Variants in FAM161B observed in about 807,000 individuals in gnomAD.
FAM161B encodes the protein FAM161 centrosomal protein B.
A neutral mutation model predicts 61.5 loss-of-function variants in FAM161B; 46 were observed. The observed-to-expected ratio is 0.75, with a 90% confidence interval of 0.59 to 0.96. FAM161B has a LOEUF of 0.96. FAM161B is among the 40% of genes least tolerant of loss of function. FAM161B has a pLI of 0.00. For synonymous variants in FAM161B, 284 were observed against 302.7 expected (o/e 0.94, Z 0.64); for missense variants, 774 against 800.7 (o/e 0.97, Z 0.40).
chr14:73,937,711 G>A lies in FAM161B; in HGVS notation c.1566-10C>T, dbSNP rs780780186. ...TTTACGGTCATTGTTCCTGGAATTAGCAAGACTTTTAGAAAGAATTTCATC... is the reference window on the plus strand; with the variant it reads ...TTTACGGTCATTGTTCCTGGAATTAACAAGACTTTTAGAAAGAATTTCATC... On this transcript the variant is annotated splice_polypyrimidine_tract_variant and intron_variant, in intron 6 of 8. Transcript: ENST00000286544. The A allele has an allele frequency of 2.5e-6, 4 of 1,609,700 alleles. No individual in the cohort carries two copies. The highest frequency in any genetic ancestry group is 1.1e-5 in the South Asian group (1 of 89,774).
intron 4 of FAM161B, among the ~76,000 whole-genome samples, 191 bp downstream of exon 4, chr14:73,942,178 A>C (rs1215868297): frequency 1.3e-5 from 2 of 151,824 alleles, no homozygotes; most frequent in Admixed American, 6.6e-5. Context: ...TTTCTTTTAG[A>C]GATGGGGTCT....
chr14:73,949,653 C>G (rs1382425020), intron 1 of FAM161B, among the ~76,000 whole-genome samples: 1 of 152,112 alleles, frequency 6.6e-6, no homozygotes, highest in African/African-American at 2.4e-5. Flanking sequence ...ACCACCACGC[C>G]CGGCCAAATT....
In FAM161B at chr14:73,932,509, C is replaced by CT. The variant is rs1348886212; in HGVS notation, c.*1746dup. ...AAAATGGCAATAAAAACAGATACTT[C>CT]TGAATTTTTCCACAAAGATAGTTTT... On this transcript the variant is annotated 3_prime_UTR_variant, in exon 9 of 9. Transcript: ENST00000286544. The CT allele has an allele frequency of 1.3e-5, 6 of 450,580 alleles. No homozygotes were observed. Among genetic ancestry groups the CT allele is most frequent in the Admixed American group, 4.9e-5 (2 of 40,906 alleles). 27.9% of individuals were successfully genotyped at this position (450,580 alleles called of 1,614,324 possible). A position where few individuals can be genotyped will look rare whatever the true frequency, so the allele number is the denominator to read the frequency against.
chr14:73,946,648 C>T, intron 1 of FAM161B, 43 bp from the exon 2 acceptor site: 2 of 1,566,712 alleles, frequency 1.3e-6, no homozygotes. Context: ...ACAATAATTT[C>T]AAAGGTATTC....
chr14:73,944,796 G>A lies in FAM161B; in HGVS notation c.464C>T (p.Pro155Leu). The A allele has an allele frequency of 6.3e-7, 1 of 1,579,696 alleles. No individual in the cohort carries two copies. The highest frequency in any genetic ancestry group is 1.8e-5 in the Admixed American group (1 of 55,902). ...PQTQPPSGSR[P>L]PSQHRSVSSW... ...GCTGACGCTTCTGTGCTGGGAGGGAGGCCGGGAGCCTGAGGGTGGCTGGGT... is the reference window on the plus strand; with the variant it reads ...GCTGACGCTTCTGTGCTGGGAGGGAAGCCGGGAGCCTGAGGGTGGCTGGGT... Residue 155 changes from proline to leucine, a missense_variant, in exon 3 of 9, where the codon CCT (proline) becomes CTT (leucine). Transcript: ENST00000286544.
intron 8 of FAM161B, among the ~76,000 whole-genome samples, chr14:73,935,519 ACT>A (rs1338717530): frequency 1.4e-5 from 2 of 147,002 alleles, no homozygotes; most frequent in East Asian, 2.0e-4. Context: ...ACAGAGTGAG[ACT>A]CTGTCTCAAA....
intron 8 of FAM161B, 84 bp downstream of exon 8, chr14:73,935,865 G>A: frequency 7.1e-7 from 1 of 1,415,646 alleles, no homozygotes; most frequent in South Asian, 1.6e-5. Context: ...AAATACCAGT[G>A]GCTATTCTAA....
Position 73,949,584 on chromosome 14 carries a change from C to G in FAM161B, c.54+389G>C, listed in dbSNP as rs1306885820. ...ATGTTGGCCAGGCTGGTCTCGAACT[C>G]CTGACCTCAGGTGATCCACCCGCCT... On this transcript the variant is annotated intron_variant, in intron 1 of 8. Transcript: ENST00000286544. 9.3e-5 allele frequency among the ~76,000 whole-genome samples: 14 copies of G among 150,670 alleles called. No homozygotes were observed. In the Admixed American group the frequency reaches 9.3e-4, roughly 10 times the overall value.
chr14:73,940,379 C>T (rs1024280554), intron 5 of FAM161B, among the ~76,000 whole-genome samples: 2 of 152,208 alleles, frequency 1.3e-5, no homozygotes, highest in African/African-American at 4.8e-5. Flanking sequence ...ACTTCAGCCA[C>T]CTGCTAGCAT....
At chr14:73,935,445 G>A (rs566291263) in intron 8 of FAM161B, among the ~76,000 whole-genome samples, 11 of 151,586 alleles carry the variant, frequency 7.3e-5, no homozygotes, top group African/African-American at 9.7e-5. Context: ...GGAGAATGGC[G>A]TGAACCCAGG....
At chr14:73,938,991 A>C (rs2055995102) in intron 5 of FAM161B, among the ~76,000 whole-genome samples, 1 of 151,890 alleles carries the variant, frequency 6.6e-6, no homozygotes, top group African/African-American at 2.4e-5. Context: ...GAACTGGAGA[A>C]ACGTCAGTTA....
chr14:73,931,373 G>T, downstream of FAM161B: 1 of 724,916 alleles, frequency 1.4e-6, no homozygotes, highest in Non-Finnish European at 2.3e-6. Flanking sequence ...TGTTTGCTTT[G>T]GAAGTAGATA....
At chr14:73,924,635 T>TA in the FAM161B span, 1 of 436,088 alleles carries the variant, frequency 2.3e-6, no homozygotes, top group African/African-American at 2.1e-5. Flanking sequence ...CTTTCAGTAT[T>TA]ACATTAGTTT....
At chr14:73,927,684 A>C (rs2055853210), downstream of FAM161B, among the ~76,000 whole-genome samples, 1 of 152,204 alleles carries the variant, frequency 6.6e-6, no homozygotes, top group Admixed American at 6.5e-5. Context: ...TCTGCAGGGT[A>C]CTAGTTATAC....
chr14:73,936,049 T>C lies in FAM161B; in HGVS notation c.1705A>G (p.Thr569Ala). 3 of 1,613,658 alleles carry C rather than the reference T, an allele frequency of 1.9e-6. No homozygotes were observed. Among genetic ancestry groups the C allele is most frequent in the Non-Finnish European group, 2.5e-6 (3 of 1,179,740 alleles). Reference sequence around the variant, plus strand: ...TCCTCCAGCCCAGCCTGCTTCAGGGTGTCTAGATACCACTGTTCTGCTTCT... The same window carrying C: ...TCCTCCAGCCCAGCCTGCTTCAGGGCGTCTAGATACCACTGTTCTGCTTCT... ...KKEAEQWYLD[T>A]LKQAGLEEDF... Residue 569 changes from threonine (T) to alanine (A), a missense_variant, in exon 8 of 9, where the codon ACC becomes GCC. Coordinates refer to ENST00000286544, the MANE Select transcript of FAM161B (RefSeq NM_152445.3).
At chr14:73,946,161 G>A (rs1289514871) in intron 2 of FAM161B, 125 bp downstream of exon 2, 1 of 971,808 alleles carries the variant, frequency 1.0e-6, no homozygotes. Context: ...TTCTCAGCTA[G>A]AGCCTCAGTA....
intron 7 of FAM161B, 81 bp downstream of exon 7, chr14:73,937,521 C>T: frequency 1.5e-6 from 2 of 1,325,428 alleles, no homozygotes; most frequent in Non-Finnish European, 1.1e-6. Context: ...ATTTTAATAC[C>T]CACATATTAA....
intron 5 of FAM161B, among the ~76,000 whole-genome samples, chr14:73,939,472 C>T (rs1345587580): frequency 1.3e-5 from 2 of 152,100 alleles, no homozygotes; most frequent in African/African-American, 2.4e-5. Context: ...TACTAAATTC[C>T]CTTTTTATAG....
chr14:73,923,164 A>G, the FAM161B span, among the ~76,000 whole-genome samples: 94,008 of 152,038 alleles, frequency 0.62, 29,700 homozygotes, highest in South Asian at 0.72. Flanking sequence ...AAGTGCTAAC[A>G]CCATATTATT....
Sources: gnomAD v4.1 joint callset for allele counts (sites outside exome capture counted in the v4.1 genomes callset) on GRCh38, gnomAD v4.1.1 for gene constraint, MANE v1.5 for transcripts, NCBI Gene and HGNC (gene_info 2026-07-23, HGNC 2026-07-21) for gene names.